Variants in ARHGEF38 observed in about 807,000 individuals in gnomAD.
The protein encoded by ARHGEF38 is Rho guanine nucleotide exchange factor 38.
Under a neutral mutation model 79.9 loss-of-function variants are expected in ARHGEF38, and 79 were observed. The ratio of observed to expected loss-of-function variants is 0.99; its 90% confidence interval spans 0.82 to 1.19. The LOEUF (loss-of-function observed/expected upper bound fraction) is 1.19, where lower values mean the gene tolerates loss of function less well. ARHGEF38 is among the 50% of genes most tolerant of loss of function. ARHGEF38 has a pLI of 0.00. For missense variants in ARHGEF38, 962 were observed against 907.2 expected, an observed-to-expected ratio of 1.06 and a Z score of -0.78; for synonymous variants, 366 against 328.3, an observed-to-expected ratio of 1.11 and a Z score of -1.24.
At chr4:105,638,139 A>G (rs1319414159) in intron 5 of ARHGEF38, among the ~76,000 whole-genome samples, 1 of 152,188 alleles carries the variant, frequency 6.6e-6, no homozygotes, top group Non-Finnish European at 1.5e-5. Flanking sequence ...CCAAAAGGGC[A>G]TTTAAGAGTA....
chr4:105,627,501 A>G (rs770430177), intron 3 of ARHGEF38, among the ~76,000 whole-genome samples: 4 of 152,154 alleles, frequency 2.6e-5, no homozygotes, highest in Non-Finnish European at 5.9e-5. Context: ...TTGGGAAGTT[A>G]TTTTTAATGA....
At chr4:105,595,419 T>C (rs1727535687) in intron 2 of ARHGEF38, among the ~76,000 whole-genome samples, 1 of 152,210 alleles carries the variant, frequency 6.6e-6, no homozygotes, top group African/African-American at 2.4e-5. Flanking sequence ...AATTTTCTGT[T>C]AAAATTTTGA....
intron 1 of ARHGEF38, among the ~76,000 whole-genome samples, chr4:105,576,181 A>G (rs1031921031): frequency 6.6e-6 from 1 of 152,118 alleles, no homozygotes; most frequent in Admixed American, 6.5e-5. Context: ...TAATTCTGTG[A>G]AAAATGATTT....
chr4:105,640,142 A>G (rs1335475865), intron 5 of ARHGEF38, among the ~76,000 whole-genome samples: 1 of 152,018 alleles, frequency 6.6e-6, no homozygotes, highest in Non-Finnish European at 1.5e-5. Flanking sequence ...TCTCCTCTAC[A>G]CACAACAAAC....
chr4:105,611,026 C>T (rs1657662823), intron 2 of ARHGEF38, among the ~76,000 whole-genome samples: 1 of 152,050 alleles, frequency 6.6e-6, no homozygotes, highest in African/African-American at 2.4e-5. Context: ...ATCCAGTTCT[C>T]CCCTGAACTT....
At chr4:105,565,069 C>A (rs1725822069) in intron 1 of ARHGEF38, among the ~76,000 whole-genome samples, 1 of 152,226 alleles carries the variant, frequency 6.6e-6, no homozygotes, top group Non-Finnish European at 1.5e-5. Flanking sequence ...ACCAATACCA[C>A]TTCAGTATTT....
intron 2 of ARHGEF38, among the ~76,000 whole-genome samples, chr4:105,595,345 A>C (rs1560709713): frequency 1.3e-5 from 2 of 152,320 alleles, no homozygotes; most frequent in East Asian, 3.9e-4. Flanking sequence ...ATGCTCAAAA[A>C]TTTGTGTTTT....
chr4:105,638,056 A>G (rs1729470282), intron 5 of ARHGEF38, among the ~76,000 whole-genome samples: 1 of 152,134 alleles, frequency 6.6e-6, no homozygotes. Flanking sequence ...CTGCTACAGG[A>G]AAGGGCAAAA....
intron 1 of ARHGEF38, among the ~76,000 whole-genome samples, chr4:105,586,306 A>G (rs893171036): frequency 5.9e-5 from 9 of 151,920 alleles, no homozygotes; most frequent in African/African-American, 2.2e-4. Flanking sequence ...TTCCTACAAT[A>G]AACTTGAGTC....
intron 1 of ARHGEF38, among the ~76,000 whole-genome samples, chr4:105,578,101 C>T (rs1475516942): frequency 6.6e-6 from 1 of 151,816 alleles, no homozygotes; most frequent in Non-Finnish European, 1.5e-5. Context: ...TTGCTGTATC[C>T]CAGGGCTTTG....
chr4:105,649,339 C>G (rs541181188), intron 7 of ARHGEF38, among the ~76,000 whole-genome samples: 58 of 152,212 alleles, frequency 3.8e-4, no homozygotes, highest in African/African-American at 1.4e-3. Context: ...TAAGAATTAC[C>G]TAAAAAGCTT....
chr4:105,667,614 G>A lies in ARHGEF38; in HGVS notation c.2059G>A (p.Gly687Ser), dbSNP rs1730800909. The A allele has an allele frequency of 6.5e-7, 1 of 1,536,658 alleles. No individual in the cohort carries two copies. The highest frequency in any genetic ancestry group is 8.7e-7 in the Non-Finnish European group (1 of 1,147,046). Residue 687 changes from glycine to serine, a missense_variant, in exon 13 of 14, where the codon GGT becomes AGT. Gly to Ser is a moderately conservative substitution (Grantham distance 56, BLOSUM62 0). Transcript: ENST00000420470. ...CACAGGCACCTCAGAAAGCAGCATT[G>A]GTGATAGCAGCTCATCTCTTAGTGG... The part of the protein sequence containing the change: ...SVTGTSESSI[G>S]DSSSSLSGTC...
Position 105,677,888 on chromosome 4 carries a change from A to T in ARHGEF38, c.2285A>T (p.Gln762Leu). The T allele has an allele frequency of 6.5e-7, 1 of 1,534,490 alleles. No homozygotes were observed. Among genetic ancestry groups the T allele is most frequent in the Non-Finnish European group, 8.7e-7 (1 of 1,145,730 alleles). ...KEWWLAEAQG[Q>L]KGYVPANYLG... ...TGGTGGTTAGCTGAAGCTCAAGGGC[A>T]GAAAGGATACGTGCCAGCTAACTAC... The change falls in exon 14 of 14, where the codon CAG becomes CTG. Residue 762 changes from glutamine (Q) to leucine (L), a missense_variant. Gln to Leu is a moderately radical substitution (Grantham distance 113, BLOSUM62 -2). Transcript: ENST00000420470.
At chr4:105,653,001 A>C (rs1730169000) in intron 7 of ARHGEF38, among the ~76,000 whole-genome samples, 1 of 152,216 alleles carries the variant, frequency 6.6e-6, no homozygotes, top group Non-Finnish European at 1.5e-5. Context: ...TTAATAATAC[A>C]TACCCTATTC....
intron 13 of ARHGEF38, among the ~76,000 whole-genome samples, chr4:105,670,382 T>A (rs1357518432): frequency 1.3e-5 from 2 of 152,196 alleles, no homozygotes; most frequent in Non-Finnish European, 2.9e-5. Context: ...ATTTCCCTAA[T>A]GATTAATGCT....
At chr4:105,651,708 G>A (rs1730111759) in intron 7 of ARHGEF38, among the ~76,000 whole-genome samples, 1 of 152,146 alleles carries the variant, frequency 6.6e-6, no homozygotes, top group African/African-American at 2.4e-5. Context: ...GGGCTAGAGT[G>A]TAGTGCCATT....
chr4:105,555,735 T>C (rs942031391), intron 1 of ARHGEF38, among the ~76,000 whole-genome samples: 1 of 152,174 alleles, frequency 6.6e-6, no homozygotes, highest in East Asian at 1.9e-4. Context: ...TTCAATGCTA[T>C]ATTACCTGAG....
chr4:105,594,250 G>A (rs773975062), intron 2 of ARHGEF38, among the ~76,000 whole-genome samples: 5 of 152,162 alleles, frequency 3.3e-5, no homozygotes, highest in Non-Finnish European at 5.9e-5. Context: ...GAGGTAGTTA[G>A]TTGACACCAC....
At chr4:105,662,960 G>A (rs1405927806) in intron 10 of ARHGEF38, among the ~76,000 whole-genome samples, 1 of 152,118 alleles carries the variant, frequency 6.6e-6, no homozygotes, top group Non-Finnish European at 1.5e-5. Context: ...GTGTCTTAAA[G>A]TAAAAGGCAT....
Sources: gnomAD v4.1 joint callset for allele counts (sites outside exome capture counted in the v4.1 genomes callset) on GRCh38, gnomAD v4.1.1 for gene constraint, MANE v1.5 for transcripts, NCBI Gene and HGNC (gene_info 2026-07-23, HGNC 2026-07-21) for gene names.